The following KIAA1217 variants were observed in gnomAD, a reference collection of about 807,000 sequenced individuals.
The protein encoded by KIAA1217 is KIAA1217.
KIAA1217 carries 88 observed loss-of-function variants against 163.9 expected under a neutral mutation model. The ratio of observed to expected loss-of-function variants is 0.54; its 90% CI spans 0.45 to 0.64. KIAA1217 has a LOEUF of 0.64. Ranked by LOEUF, KIAA1217 falls within the 30% of genes least tolerant of loss-of-function variation. The pLI is 0.00. For missense variants in KIAA1217, 2,372 were observed against 2,475.0 expected (o/e 0.96, Z 0.88); for synonymous variants, 903 against 923.1 (o/e 0.98, Z 0.39).
chr10:24,207,200 G>T (rs2067599758), upstream of KIAA1217, among the ~76,000 whole-genome samples: 1 of 151,934 alleles, frequency 6.6e-6, no homozygotes, highest in Non-Finnish European at 1.5e-5. Context: ...CAGAGCAAGG[G>T]GATTGGGGTC....
At chr10:24,028,731 T>G (rs909391896) in intron 2 of KIAA1217, among the ~76,000 whole-genome samples, 2 of 152,180 alleles carry the variant, frequency 1.3e-5, no homozygotes, top group African/African-American at 4.8e-5. Flanking sequence ...GCACATATCC[T>G]CTTTATGTCT....
At position 24,520,163 on chromosome 10, in the gene KIAA1217, A is replaced by T; in HGVS notation, c.2218A>T (p.Thr740Ser). The change falls in exon 11 of 21, where the codon ACG (threonine) becomes TCG (serine). Residue 740 changes from threonine to serine, a missense_variant. By Grantham distance (58) the Thr-to-Ser change is moderately conservative. Coordinates refer to ENST00000376454, the MANE Select transcript of KIAA1217 (RefSeq NM_019590.5). ...DFVEDLKKDSTAASRLVTLKD... is the reference protein window; with the variant it reads ...DFVEDLKKDSSAASRLVTLKD... ...TGTTGAAGACTTGAAGAAGGACTCC[A>T]CGGCAGCCAGCCGATTGGTTACTCT... 1 of 1,614,096 alleles carries T rather than the reference A, an allele frequency of 6.2e-7. No individual in the cohort carries two copies. The highest frequency in any genetic ancestry group is 8.5e-7 in the Non-Finnish European group (1 of 1,180,008).
At chr10:23,719,237 C>G (rs1488323377) in intron 1 of KIAA1217, among the ~76,000 whole-genome samples, 3 of 152,146 alleles carry the variant, frequency 2.0e-5, no homozygotes, top group African/African-American at 4.8e-5. Context: ...AAATGAAGCA[C>G]TGATACATGC....
At chr10:24,353,288 T>G (rs1245487806) in intron 2 of KIAA1217, among the ~76,000 whole-genome samples, 8 of 152,196 alleles carry the variant, frequency 5.3e-5, no homozygotes, top group Admixed American at 4.6e-4. Context: ...ACCACTATAT[T>G]TTGTTTGTTA....
chr10:24,165,026 G>C (rs924864983), intron 2 of KIAA1217, among the ~76,000 whole-genome samples: 2 of 152,204 alleles, frequency 1.3e-5, no homozygotes, highest in Non-Finnish European at 2.9e-5. Flanking sequence ...TGTCTGCTTA[G>C]GGAGCAAACA....
chr10:24,501,811 C>T (rs2067652498), intron 9 of KIAA1217, among the ~76,000 whole-genome samples: 1 of 133,468 alleles, frequency 7.5e-6, no homozygotes, highest in East Asian at 2.5e-4. Flanking sequence ...TGCAGTGGCG[C>T]GATCTCGGCT....
intron 2 of KIAA1217, among the ~76,000 whole-genome samples, chr10:24,091,769 C>A (rs2061946727): frequency 6.6e-6 from 1 of 151,824 alleles, no homozygotes; most frequent in African/African-American, 2.4e-5. Flanking sequence ...GCTAGGCAAG[C>A]AAAGGTGCTC....
At chr10:24,390,624 C>T (rs2054792672) in intron 3 of KIAA1217, among the ~76,000 whole-genome samples, 1 of 152,092 alleles carries the variant, frequency 6.6e-6, no homozygotes, top group Non-Finnish European at 1.5e-5. Context: ...CAGCAGGAGT[C>T]TTTAAATACT....
At chr10:24,316,440 C>T (rs2043383415) in intron 2 of KIAA1217, among the ~76,000 whole-genome samples, 1 of 152,152 alleles carries the variant, frequency 6.6e-6, no homozygotes, top group Non-Finnish European at 1.5e-5. Context: ...TGGATTTGGC[C>T]ATGAACTTCA....
chr10:24,315,445 T>G (rs1003288394), intron 2 of KIAA1217, among the ~76,000 whole-genome samples: 1 of 152,184 alleles, frequency 6.6e-6, no homozygotes, highest in Non-Finnish European at 1.5e-5. Flanking sequence ...CTTTGACTAA[T>G]TGCACAAACA....
chr10:24,283,906 TTTA>T (rs2078250920), intron 2 of KIAA1217, among the ~76,000 whole-genome samples: 1 of 121,910 alleles, frequency 8.2e-6, no homozygotes, highest in African/African-American at 3.2e-5. Flanking sequence ...TTTCTTTTCC[TTTA>T]TTTTTTTTTT....
exon 2 of KIAA1217, chr10:24,007,337 C>T (rs1466715892): frequency 6.6e-6 from 1 of 152,142 alleles, no homozygotes; most frequent in Non-Finnish European, 1.5e-5. Flanking sequence ...CATTACTTCT[C>T]CATGGAGTCT....
At chr10:24,230,966 T>G (rs957292776) in intron 2 of KIAA1217, among the ~76,000 whole-genome samples, 1 of 152,098 alleles carries the variant, frequency 6.6e-6, no homozygotes, top group Non-Finnish European at 1.5e-5. Context: ...AAATTCTAGA[T>G]CAGACCACCT....
intron 2 of KIAA1217, among the ~76,000 whole-genome samples, chr10:24,196,494 G>C (rs963349965): frequency 6.6e-6 from 1 of 152,206 alleles, no homozygotes; most frequent in Non-Finnish European, 1.5e-5. Flanking sequence ...GATTCTTGCT[G>C]TACCAAGTAT....
chr10:24,286,538 G>T lies in KIAA1217; in HGVS notation c.354+66629G>T, dbSNP rs74723420. ...GTGCAAGACCGGGACTTGACTTTGA[G>T]AAATTTCAATTCAGGAAGGAAAATT... is the stretch of plus-strand genomic sequence containing the variant. On this transcript the variant is annotated intron_variant, in intron 2 of 20. Transcript: ENST00000376454. 9.5e-3 allele frequency among the ~76,000 whole-genome samples: 1,438 copies of T among 151,990 alleles called. 29 individuals are homozygous for T. Among genetic ancestry groups the T allele is most frequent in the East Asian group, 0.084 (434 of 5,166 alleles).
At chr10:23,706,249 C>T (rs747911275) in intron 1 of KIAA1217, among the ~76,000 whole-genome samples, 7 of 151,934 alleles carry the variant, frequency 4.6e-5, no homozygotes, top group Non-Finnish European at 8.8e-5. Context: ...GTTTTTCTAC[C>T]TCCCTCCCTT....
intron 2 of KIAA1217, chr10:24,368,888 T>G (rs1225858695): frequency 1.0e-6 from 1 of 978,280 alleles, no homozygotes; most frequent in Non-Finnish European, 1.2e-6. Context: ...ATTTACCAAT[T>G]GCTGTCCCAT....
At chr10:24,513,786 T>TAAAAAA (rs10711541) in intron 10 of KIAA1217, among the ~76,000 whole-genome samples, 2 of 140,744 alleles carry the variant, frequency 1.4e-5, no homozygotes, top group Non-Finnish European at 3.1e-5. Context: ...TCCTGTCTCT[T>TAAAAAA]AAAAAAAAAA....
At chr10:24,094,059 A>G (rs923418946) in intron 2 of KIAA1217, among the ~76,000 whole-genome samples, 5 of 151,966 alleles carry the variant, frequency 3.3e-5, no homozygotes, top group Non-Finnish European at 5.9e-5. Context: ...ATTGTTGGAC[A>G]TTTGGGTTGG....
Sources: gnomAD v4.1 joint callset for allele counts (sites outside exome capture counted in the v4.1 genomes callset) on GRCh38, gnomAD v4.1.1 for gene constraint, MANE v1.5 for transcripts, NCBI Gene and HGNC (gene_info 2026-07-23, HGNC 2026-07-21) for gene names.